OTUD7A: variants seen among roughly 807,000 people sequenced by gnomAD.
OTUD7A encodes OTU deubiquitinase 7A.
OTUD7A carries 12 observed loss-of-function variants against 65.7 expected under a neutral mutation model. The ratio of observed to expected loss-of-function variants is 0.18; its 90% CI spans 0.12 to 0.30. The LOEUF is 0.30. Among genes scored for constraint, OTUD7A ranks in the 10% least tolerant of loss-of-function variants. The probability of loss-of-function intolerance (pLI) is 1.00; values close to 1 mark genes in which losing one functional copy is unlikely to be tolerated. For synonymous variants in OTUD7A, 641 were observed against 586.3 expected (o/e 1.09, Z -1.35); for missense variants, 1,148 against 1,304.8 (o/e 0.88, Z 1.85).
At chr15:31,507,572 G>C (rs79926643) in intron 8 of OTUD7A, among the ~76,000 whole-genome samples, 1 of 152,144 alleles carries the variant, frequency 6.6e-6, no homozygotes, top group African/African-American at 2.4e-5. Context: ...ATTGTGGAGA[G>C]AGAAAGAACA....
intron 1 of OTUD7A, among the ~76,000 whole-genome samples, chr15:31,664,351 T>C (rs897645828): frequency 5.3e-5 from 8 of 150,600 alleles, no homozygotes; most frequent in Non-Finnish European, 1.2e-4. Context: ...TTTTTTTTAT[T>C]ACGGCCATTC....
At chr15:31,630,343 T>C in intron 3 of OTUD7A, among the ~76,000 whole-genome samples, 1 of 151,918 alleles carries the variant, frequency 6.6e-6, no homozygotes, top group South Asian at 2.1e-4. Context: ...CTTCATTTCG[T>C]GATGTACCCA....
At chr15:31,808,136 C>CACACACACACACACAAAAAAA (rs772574742) in intron 1 of OTUD7A, among the ~76,000 whole-genome samples, 1 of 119,418 alleles carries the variant, frequency 8.4e-6, no homozygotes. Context: ...CACACACACA[C>CACACACACACACACAAAAAAA]AAACAAATCC....
rs1029850149 is a variant in OTUD7A, at chr15:31,487,081, G to A, written c.1371+113C>T. 3.1e-5 allele frequency: 33 copies of A among 1,055,958 alleles called. No homozygotes were observed. The highest frequency in any genetic ancestry group is 7.9e-5 in the African/African-American group (5 of 63,172). The allele number at this position is 1,055,958 out of a possible 1,614,324, so 65.4% of individuals were successfully genotyped here. On this transcript the variant is annotated intron_variant, in intron 12 of 12. Transcript: ENST00000307050. This position sits in a 1 kb window ranked among gnomAD's most constrained non-coding sequence, Gnocchi z 6.0. The stretch of plus-strand genomic sequence containing the variant: ...GTGGGTATGGCTGGGGTGGGCGGCC[G>A]GGCAGGGGCAGGCAAGAGTGTGGGA...
chr15:31,533,082 A>G (rs1360506896), intron 5 of OTUD7A, among the ~76,000 whole-genome samples: 3 of 152,098 alleles, frequency 2.0e-5, no homozygotes, highest in Non-Finnish European at 4.4e-5. Flanking sequence ...ACTCATGCCA[A>G]AATACATCAT....
intron 3 of OTUD7A, among the ~76,000 whole-genome samples, chr15:31,588,448 C>G (rs548374283): frequency 6.6e-6 from 1 of 152,302 alleles, no homozygotes; most frequent in South Asian, 2.1e-4. Flanking sequence ...GATGGGTTAG[C>G]AAGAAACACA....
rs1321828719 is a variant in OTUD7A, at chr15:31,479,012, G to A, written c.*4282C>T. Reference sequence around the variant, plus strand: ...GAATTAAACAAGAACAAAGCTGAGCGCTGGTCACTGCCCCGGCCAGCCACA... The same window carrying A: ...GAATTAAACAAGAACAAAGCTGAGCACTGGTCACTGCCCCGGCCAGCCACA... On this transcript the variant is annotated 3_prime_UTR_variant, in exon 13 of 13. Coordinates refer to ENST00000307050, the MANE Select transcript of OTUD7A (RefSeq NM_001382637.1). 1.3e-5 allele frequency: 2 copies of A among 152,350 alleles called. No individual in the cohort carries two copies. The highest frequency in any genetic ancestry group is 4.8e-5 in the African/African-American group (2 of 41,456). The allele number at this position is 152,350 out of a possible 1,614,324, so 9.4% of individuals were successfully genotyped here.
At chr15:31,729,676 C>G (rs1328689047) in intron 1 of OTUD7A, among the ~76,000 whole-genome samples, 1 of 152,098 alleles carries the variant, frequency 6.6e-6, no homozygotes, top group Non-Finnish European at 1.5e-5. Context: ...TGTGCTTAAT[C>G]CCACCTCACC....
chr15:31,500,074 G>C (rs921323646), intron 10 of OTUD7A, among the ~76,000 whole-genome samples: 1 of 152,136 alleles, frequency 6.6e-6, no homozygotes, highest in African/African-American at 2.4e-5. Flanking sequence ...GCTGGCCTTG[G>C]GACCATCACC....
chr15:31,843,141 C>T (rs1897223681), intron 1 of OTUD7A, among the ~76,000 whole-genome samples: 1 of 152,004 alleles, frequency 6.6e-6, no homozygotes, highest in East Asian at 1.9e-4. Context: ...GAAGTCTATC[C>T]CACTGGATTG....
intron 3 of OTUD7A, among the ~76,000 whole-genome samples, chr15:31,601,763 G>A (rs1037797376): frequency 6.6e-6 from 1 of 152,138 alleles, no homozygotes; most frequent in Non-Finnish European, 1.5e-5. Context: ...AATGGAAAAT[G>A]ATAAAGGGGA....
intron 1 of OTUD7A, among the ~76,000 whole-genome samples, chr15:31,721,481 C>T (rs1893739374): frequency 6.6e-6 from 1 of 151,854 alleles, no homozygotes; most frequent in Admixed American, 6.6e-5. Context: ...AGAGATGCTG[C>T]CTTTCCTTCG....
chr15:31,526,349 C>A lies in OTUD7A; in HGVS notation c.893G>T (p.Gly298Val). Residue 298 changes from glycine to valine, a missense_variant and splice_region_variant, in exon 8 of 13, where the codon GGT becomes GTT. Gly to Val is a moderately radical substitution (Grantham distance 109). Coordinates refer to ENST00000307050, the MANE Select transcript of OTUD7A (RefSeq NM_001382637.1). The part of the protein sequence containing the change: ...HFSKNGGTGG[G>V]VDNSEDPVYE... ...TGGGGAGAGCAGGGGCAGCACTTAC[C>A]CCCCGCCCGTGCCGCCATTCTTGCT... 1.3e-6 allele frequency: 2 copies of A among 1,588,468 alleles called. No homozygotes were observed. The highest frequency in any genetic ancestry group is 1.7e-6 in the Non-Finnish European group (2 of 1,172,140).
chr15:31,561,437 C>T (rs935034389), intron 4 of OTUD7A, among the ~76,000 whole-genome samples: 1 of 152,154 alleles, frequency 6.6e-6, no homozygotes, highest in African/African-American at 2.4e-5. Flanking sequence ...AATCGAGGTG[C>T]TATGTGCACC....
chr15:31,638,073 C>T (rs554269448), intron 3 of OTUD7A, among the ~76,000 whole-genome samples: 41 of 152,296 alleles, frequency 2.7e-4, no homozygotes, highest in African/African-American at 9.6e-4. Flanking sequence ...CAAATAGCAT[C>T]ACACATGCTA....
At chr15:31,627,467 C>T (rs1354169188) in intron 3 of OTUD7A, among the ~76,000 whole-genome samples, 2 of 152,050 alleles carry the variant, frequency 1.3e-5, no homozygotes, top group African/African-American at 2.4e-5. Context: ...ATATGTACCA[C>T]ATTTTCTTAA....
chr15:31,619,365 C>A (rs1184957985), intron 3 of OTUD7A, among the ~76,000 whole-genome samples: 5 of 152,166 alleles, frequency 3.3e-5, no homozygotes, highest in Non-Finnish European at 7.3e-5. Flanking sequence ...TTACCTTGGG[C>A]AGTATGGCCA....
chr15:31,833,979 G>T (rs922825067), intron 1 of OTUD7A, among the ~76,000 whole-genome samples: 20 of 152,338 alleles, frequency 1.3e-4, no homozygotes, highest in East Asian at 9.6e-4. Flanking sequence ...CCTTTCTAAT[G>T]AAACAGGGAG....
intron 4 of OTUD7A, among the ~76,000 whole-genome samples, chr15:31,562,207 G>A (rs1258421186): frequency 1.3e-5 from 2 of 152,140 alleles, no homozygotes; most frequent in African/African-American, 4.8e-5. Flanking sequence ...CCTCCCAGGT[G>A]AGCCAATGTT....
Sources: gnomAD v4.1 joint callset for allele counts (sites outside exome capture counted in the v4.1 genomes callset) on GRCh38, gnomAD v4.1.1 for gene constraint, Gnocchi (gnomAD v3.1) non-coding constraint, MANE v1.5 for transcripts, NCBI Gene and HGNC (gene_info 2026-07-23, HGNC 2026-07-21) for gene names.